The following RUVBL1 variants were observed in gnomAD, a reference collection of about 807,000 sequenced individuals.
RUVBL1 encodes the protein RuvB like AAA ATPase 1.
Under a neutral mutation model 52.4 loss-of-function variants are expected in RUVBL1, and 4 were observed. The observed-to-expected ratio is 0.08, with a 90% CI of 0.04 to 0.17. The LOEUF (loss-of-function observed/expected upper bound fraction) is 0.17, where lower values mean the gene tolerates loss of function less well. RUVBL1 is among the 10% of genes least tolerant of loss of function. RUVBL1 has a pLI of 1.00. For missense variants in RUVBL1, 298 were observed against 572.8 expected (o/e 0.52, Z 4.90); for synonymous variants, 217 against 214.4 (o/e 1.01, Z -0.10).
chr3:128,098,921 T>A lies in RUVBL1; in HGVS notation c.778A>T (p.Met260Leu). ...PQGGQDILSM[M>L]GQLMKPKKTE... is the part of the protein sequence containing the mutation. ...TTCTTTGGCTTCATTAGCTGGCCCA[T>A]CATGGACAGGATATCTTGTCCCCCC... Residue 260 changes from methionine to leucine, a missense_variant, in exon 7 of 11, where the codon ATG becomes TTG. Physicochemically the swap from Met to Leu is conservative, Grantham distance 15 (BLOSUM62 2). This residue lies in a region of RUVBL1 where 161 missense variants were observed against 298.3 expected (regional missense o/e 0.54). Transcript: ENST00000322623. 2 of 1,614,036 alleles carry A rather than the reference T, an allele frequency of 1.2e-6. No homozygotes were observed. The highest frequency in any genetic ancestry group is 1.7e-6 in the Non-Finnish European group (2 of 1,179,964).
intron 2 of RUVBL1, among the ~76,000 whole-genome samples, chr3:128,114,015 T>C (rs976732489): frequency 6.6e-6 from 1 of 152,262 alleles, no homozygotes; most frequent in African/African-American, 2.4e-5. Context: ...ACACGCCCTG[T>C]GGTAAACTAC....
Position 128,097,334 on chromosome 3 carries a change from T to C in RUVBL1, c.982A>G (p.Ile328Val). The C allele has an allele frequency of 6.2e-7, 1 of 1,614,116 alleles. No individual in the cohort carries two copies. The highest frequency in any genetic ancestry group is 1.1e-5 in the South Asian group (1 of 91,068). Residue 328 changes from isoleucine (I) to valine (V), a missense_variant, in exon 8 of 11, where the codon ATC becomes GTC. Physicochemically the swap from Ile to Val is conservative, Grantham distance 29 (BLOSUM62 3). Coordinates refer to ENST00000322623, the MANE Select transcript of RUVBL1 (RefSeq NM_003707.3). ...CAGTTGCCTCGGTTGGATGCAAAGA[T>C]GACGATGGGAGCGATAGAAGACTCC... ...ALESSIAPIV[I>V]FASNRGNCVI...
At chr3:128,095,544 T>C (rs1369051715) in intron 8 of RUVBL1, among the ~76,000 whole-genome samples, 1 of 152,228 alleles carries the variant, frequency 6.6e-6, no homozygotes, top group Non-Finnish European at 1.5e-5. Flanking sequence ...TGGTCTTGTC[T>C]AGAGAGCATC....
rs562864178 is a variant in RUVBL1, at chr3:128,075,653, C to A, written c.940-10433G>T. On this transcript the variant is annotated intron_variant, in intron 9 of 9. Coordinates refer to the RUVBL1 transcript ENST00000464873. ...TGGGTGTGACTTGGAATCTCGGATC[C>A]CTGGGCTAGGCCTGGCCACGCCCCC... is the stretch of plus-strand genomic sequence containing the variant. Among the ~76,000 whole-genome samples the A allele has an allele frequency of 2.0e-5, 3 of 150,788 alleles. No homozygotes were observed. In the South Asian group the frequency reaches 6.4e-4, roughly 32 times the overall value.
chr3:128,103,100 T>C (rs1943141236), intron 4 of RUVBL1, among the ~76,000 whole-genome samples: 2 of 152,220 alleles, frequency 1.3e-5, no homozygotes, highest in Admixed American at 1.3e-4. Flanking sequence ...ATCTTGTACA[T>C]ATTCTAAAAA....
intron 9 of RUVBL1, chr3:128,069,696 C>T (rs1222925694): frequency 2.5e-6 from 4 of 1,598,370 alleles, no homozygotes; most frequent in Non-Finnish European, 3.4e-6. Context: ...GAAGCTGCTC[C>T]AGAAGCGCCT....
At chr3:128,136,964 C>T (rs1359392335) in intron 1 of RUVBL1, among the ~76,000 whole-genome samples, 1 of 152,006 alleles carries the variant, frequency 6.6e-6, no homozygotes, top group Admixed American at 6.6e-5. Flanking sequence ...ACTTAATCTG[C>T]TATAGACCAA....
At chr3:128,085,489 G>C (rs1245595150) in intron 9 of RUVBL1, among the ~76,000 whole-genome samples, 2 of 152,172 alleles carry the variant, frequency 1.3e-5, no homozygotes, top group African/African-American at 4.8e-5. Flanking sequence ...TGAATGCCTT[G>C]GCTTCAACCT....
At chr3:128,119,277 C>G (rs935337856) in intron 2 of RUVBL1, 51 bp downstream of exon 2, 1 of 1,430,408 alleles carries the variant, frequency 7.0e-7, no homozygotes, top group African/African-American at 1.4e-5. Context: ...TTGGCTTAGA[C>G]ACTAGGATCA....
intron 9 of RUVBL1, chr3:128,069,703 G>T: frequency 6.3e-7 from 1 of 1,578,656 alleles, no homozygotes; most frequent in Non-Finnish European, 8.7e-7. Flanking sequence ...CTCCAGAAGC[G>T]CCTCGGAAGG....
intron 9 of RUVBL1, among the ~76,000 whole-genome samples, chr3:128,073,216 A>G (rs1437725210): frequency 6.6e-6 from 1 of 152,148 alleles, no homozygotes; most frequent in Non-Finnish European, 1.5e-5. Context: ...CTAGGGAAAC[A>G]GGCCCCACCC....
intron 8 of RUVBL1, 52 bp from the exon 9 acceptor site, chr3:128,087,860 C>T (rs752074534): frequency 2.5e-5 from 32 of 1,277,718 alleles, no homozygotes; most frequent in East Asian, 1.2e-4. Flanking sequence ...AGACAAGAAA[C>T]GACACTGGAA....
chr3:128,096,799 C>T lies in RUVBL1; in HGVS notation c.1016+501G>A, dbSNP rs575255600. ...CCGAGATCGCGCCACTGCACTCCAG[C>T]CTGGGCGACACAGTGAGACTCTGTC... On this transcript the variant is annotated intron_variant, in intron 8 of 10. Coordinates refer to ENST00000322623, the MANE Select transcript of RUVBL1 (RefSeq NM_003707.3). Among the ~76,000 whole-genome samples, 7 of 151,876 alleles carry T rather than the reference C, an allele frequency of 4.6e-5. No homozygotes were observed. The East Asian group carries it at 1.4e-3, about 29-fold the overall frequency.
chr3:128,104,047 C>A (rs1010849238), intron 4 of RUVBL1, among the ~76,000 whole-genome samples: 4 of 152,184 alleles, frequency 2.6e-5, no homozygotes, highest in Non-Finnish European at 5.9e-5. Context: ...TATTCCCATT[C>A]AACAAATAAA....
chr3:128,082,202 C>A lies in RUVBL1; in HGVS notation c.1211+281G>T. The A allele has an allele frequency of 2.5e-6, 1 of 400,070 alleles. No homozygotes were observed. Among genetic ancestry groups the A allele is most frequent in the Non-Finnish European group, 4.6e-6 (1 of 219,708 alleles). The allele number at this position is 400,070 out of a possible 1,614,324, so 24.8% of individuals were successfully genotyped here. A position where few individuals can be genotyped will look rare whatever the true frequency, so the allele number is the denominator to read the frequency against. ...GTCCCTGCTCTCTAGTTCTGTGCAT[C>A]TTCTCTGCCACAAGAAGGCCCAGGG... is the stretch of plus-strand genomic sequence containing the variant. On this transcript the variant is annotated intron_variant, in intron 10 of 10. Transcript: ENST00000322623. The surrounding 1 kb of genome is among the most constrained non-coding windows in gnomAD (Gnocchi z 4.7).
chr3:128,117,926 G>C (rs1248440366), intron 2 of RUVBL1, among the ~76,000 whole-genome samples: 1 of 152,110 alleles, frequency 6.6e-6, no homozygotes, highest in East Asian at 1.9e-4. Context: ...AGAAGCCAAA[G>C]GAGCAAATAA....
At chr3:128,074,829 C>T (rs1431670709) in intron 9 of RUVBL1, among the ~76,000 whole-genome samples, 8 of 120,252 alleles carry the variant, frequency 6.7e-5, no homozygotes, top group South Asian at 5.1e-4. Flanking sequence ...GCAACAGGAG[C>T]GAAACTCCGT....
chr3:128,066,518 G>C (rs766702947), intron 9 of RUVBL1: 1 of 173,500 alleles, frequency 5.8e-6, no homozygotes, highest in African/African-American at 2.4e-5. Flanking sequence ...GACCTCCCAG[G>C]CTCAAGTGAT....
chr3:128,073,128 T>TC (rs1338885228), intron 9 of RUVBL1, among the ~76,000 whole-genome samples: 1 of 152,132 alleles, frequency 6.6e-6, no homozygotes, highest in Non-Finnish European at 1.5e-5. Flanking sequence ...CACTTCCTAC[T>TC]CCAAGTCCCT....
Sources: allele counts gnomAD v4.1 joint callset (sites outside exome capture counted in the v4.1 genomes callset), GRCh38; gene constraint gnomAD v4.1.1; regional missense constraint gnomAD v4.1.1; non-coding constraint Gnocchi (gnomAD v3.1); transcripts MANE v1.5; gene names NCBI Gene and HGNC (gene_info 2026-07-23, HGNC 2026-07-21).